Variants in CLVS1 observed in about 807,000 individuals in gnomAD.
CLVS1 encodes the protein clavesin-1.
Under a neutral mutation model 33.1 loss-of-function variants are expected in CLVS1, and 10 were observed. The observed-to-expected ratio is 0.30, with a 90% CI of 0.19 to 0.51. The LOEUF is 0.51. Ranked by LOEUF, CLVS1 falls within the 20% of genes least tolerant of loss-of-function variation. The pLI is 0.97. For missense variants in CLVS1, 343 were observed against 433.4 expected (o/e 0.79, Z 1.85); for synonymous variants, 163 against 166.1 (o/e 0.98, Z 0.14).
intron 3 of CLVS1, among the ~76,000 whole-genome samples, chr8:61,416,345 CATACATACATAT>C (rs1815436464): frequency 1.3e-5 from 2 of 151,092 alleles, no homozygotes; most frequent in African/African-American, 4.9e-5. Context: ...TACATACATA[CATACATACATAT>C]TCCCATGCCT....
intron 2 of CLVS1, among the ~76,000 whole-genome samples, chr8:61,271,190 G>A (rs1391084703): frequency 3.9e-4 from 57 of 146,256 alleles, no homozygotes; most frequent in East Asian, 4.2e-4. Context: ...CTTTGAATGC[G>A]TCCCAGAGAT....
the CLVS1 span, among the ~76,000 whole-genome samples, chr8:60,973,218 T>C: frequency 6.6e-6 from 1 of 152,210 alleles, no homozygotes; most frequent in East Asian, 1.9e-4. Context: ...AAGTTAAAGT[T>C]GATTTAAAAA....
At chr8:61,444,541 C>T (rs978901206) in intron 3 of CLVS1, among the ~76,000 whole-genome samples, 1 of 152,004 alleles carries the variant, frequency 6.6e-6, no homozygotes, top group Non-Finnish European at 1.5e-5. Context: ...TGCGAAAGTA[C>T]CAGGAATTTG....
chr8:61,133,372 C>T (rs527906681), intron 2 of CLVS1, among the ~76,000 whole-genome samples: 2 of 152,104 alleles, frequency 1.3e-5, no homozygotes, highest in African/African-American at 4.8e-5. Context: ...TATAGAGTAG[C>T]CAAGATGACA....
intron 2 of CLVS1, among the ~76,000 whole-genome samples, chr8:61,213,982 C>T (rs923652790): frequency 3.9e-5 from 6 of 152,152 alleles, no homozygotes; most frequent in Admixed American, 2.0e-4. Flanking sequence ...AATGCCCCCC[C>T]ACTCAAGGTG....
chr8:61,104,803 A>G (rs1360611378), intron 1 of CLVS1, among the ~76,000 whole-genome samples: 1 of 152,060 alleles, frequency 6.6e-6, no homozygotes, highest in Non-Finnish European at 1.5e-5. Flanking sequence ...ACTGTGTACC[A>G]CTGTGCTGGC....
At chr8:61,035,187 C>CTTTTTTTTTTTTTTTTTTTTTCTTTTT in the CLVS1 span, among the ~76,000 whole-genome samples, 1 of 129,410 alleles carries the variant, frequency 7.7e-6, no homozygotes, top group East Asian at 2.2e-4. Context: ...TTTCTTTTTT[C>CTTTTTTTTTTTTTTTTTTTTTCTTTTT]TTTTTTTTTT....
intron 2 of CLVS1, among the ~76,000 whole-genome samples, chr8:61,148,519 G>A (rs930419066): frequency 3.9e-5 from 6 of 152,162 alleles, no homozygotes; most frequent in African/African-American, 1.2e-4. Flanking sequence ...GAGGTTTTGC[G>A]GTAGCATGTG....
intron 2 of CLVS1, among the ~76,000 whole-genome samples, chr8:61,350,097 A>G (rs758719423): frequency 6.6e-6 from 1 of 152,198 alleles, no homozygotes; most frequent in African/African-American, 2.4e-5. Flanking sequence ...GATAAAAGGG[A>G]TAAGTCCAAG....
chr8:61,329,857 A>C (rs745710303), intron 2 of CLVS1, among the ~76,000 whole-genome samples: 2 of 152,186 alleles, frequency 1.3e-5, no homozygotes, highest in African/African-American at 2.4e-5. Context: ...TGCTTTAATA[A>C]GAATTTCTTG....
intron 1 of CLVS1, among the ~76,000 whole-genome samples, chr8:61,082,030 A>G (rs774984518): frequency 5.9e-5 from 9 of 152,352 alleles, no homozygotes; most frequent in Admixed American, 2.6e-4. Context: ...GAAATTCAAG[A>G]CAATTAATAC....
intron 2 of CLVS1, among the ~76,000 whole-genome samples, chr8:61,171,817 G>A (rs966677187): frequency 6.6e-6 from 1 of 152,108 alleles, no homozygotes; most frequent in African/African-American, 2.4e-5. Context: ...CCACATGAAC[G>A]ATATGGACGA....
chr8:61,243,463 G>T (rs1349092689), intron 2 of CLVS1, among the ~76,000 whole-genome samples: 1 of 152,048 alleles, frequency 6.6e-6, no homozygotes, highest in Admixed American at 6.6e-5. Flanking sequence ...TCCCCATCTG[G>T]TTTCTCCAGC....
intron 2 of CLVS1, among the ~76,000 whole-genome samples, chr8:61,146,513 C>T (rs960269575): frequency 6.6e-6 from 1 of 152,218 alleles, no homozygotes; most frequent in African/African-American, 2.4e-5. Context: ...AATGCCCTCT[C>T]ATCAGAGAGG....
At chr8:61,154,105 G>A (rs189388470) in intron 2 of CLVS1, among the ~76,000 whole-genome samples, 1 of 152,264 alleles carries the variant, frequency 6.6e-6, no homozygotes, top group East Asian at 1.9e-4. Flanking sequence ...AAGAGGCTCA[G>A]CACTGTTCCT....
chr8:61,420,693 G>A (rs1413842536), intron 3 of CLVS1, among the ~76,000 whole-genome samples: 1 of 152,136 alleles, frequency 6.6e-6, no homozygotes, highest in Non-Finnish European at 1.5e-5. Flanking sequence ...TATGCGGCCA[G>A]GCACGGTGGT....
At chr8:61,082,403 C>G (rs1194436264) in intron 1 of CLVS1, among the ~76,000 whole-genome samples, 1 of 152,002 alleles carries the variant, frequency 6.6e-6, no homozygotes, top group Non-Finnish European at 1.5e-5. Flanking sequence ...TGAGAATTTT[C>G]TAAAATTAAT....
At chr8:61,432,070 G>T (rs973398798) in intron 3 of CLVS1, among the ~76,000 whole-genome samples, 3 of 152,188 alleles carry the variant, frequency 2.0e-5, no homozygotes, top group African/African-American at 7.2e-5. Context: ...GAGCCTTGTA[G>T]GTTTTGTTTT....
chr8:61,393,121 A>G (rs759871228), intron 3 of CLVS1, among the ~76,000 whole-genome samples: 3 of 152,038 alleles, frequency 2.0e-5, no homozygotes, highest in Non-Finnish European at 4.4e-5. Flanking sequence ...GCCTCAGGTG[A>G]TCTGCCCACC....
Sources: gnomAD v4.1 joint callset for allele counts (sites outside exome capture counted in the v4.1 genomes callset) on GRCh38, gnomAD v4.1.1 for gene constraint, MANE v1.5 for transcripts, NCBI Gene and HGNC (gene_info 2026-07-23, HGNC 2026-07-21) for gene names.